THEMIS: variants seen among roughly 807,000 people sequenced by gnomAD.
THEMIS encodes the protein thymocyte selection associated, also known as protein THEMIS.
Under a neutral mutation model 52.6 loss-of-function variants are expected in THEMIS, and 37 were observed. The observed-to-expected ratio is 0.70, with a 90% CI of 0.54 to 0.93. THEMIS has a LOEUF of 0.93. Ranked by LOEUF, THEMIS falls within the 40% of genes least tolerant of loss-of-function variation. The pLI is 0.00. For synonymous variants in THEMIS, 292 were observed against 272.7 expected (o/e 1.07, Z -0.70); for missense variants, 808 against 763.1 (o/e 1.06, Z -0.69).
chr6:127,840,535 T>C (rs1010417359), intron 2 of THEMIS, among the ~76,000 whole-genome samples: 1 of 152,098 alleles, frequency 6.6e-6, no homozygotes, highest in Non-Finnish European at 1.5e-5. Context: ...TCCTGAATTT[T>C]CTCCCATTTT....
intron 1 of THEMIS, among the ~76,000 whole-genome samples, chr6:127,878,959 A>C (rs370436961): frequency 1.3e-5 from 2 of 152,212 alleles, no homozygotes; most frequent in South Asian, 4.1e-4. Flanking sequence ...TATTGTTTCT[A>C]GTAAGAAGAG....
chr6:127,890,362 A>G (rs1362955053), intron 1 of THEMIS, among the ~76,000 whole-genome samples: 1 of 152,158 alleles, frequency 6.6e-6, no homozygotes, highest in Admixed American at 6.5e-5. Flanking sequence ...ATTCTCATTC[A>G]TATGTGGTAG....
At chr6:127,749,585 GT>G (rs1341315753) in intron 4 of THEMIS, among the ~76,000 whole-genome samples, 3 of 151,844 alleles carry the variant, frequency 2.0e-5, no homozygotes, top group Non-Finnish European at 2.9e-5. Flanking sequence ...AAACTTACAG[GT>G]AAGTCTGAAA....
chr6:127,895,851 C>T (rs1235145490), intron 1 of THEMIS, among the ~76,000 whole-genome samples: 1 of 151,012 alleles, frequency 6.6e-6, no homozygotes, highest in African/African-American at 2.4e-5. Flanking sequence ...AGACTCCAAC[C>T]AAGAAGTTCC....
In THEMIS at chr6:127,859,649, G is replaced by A. The variant is rs373693601; in HGVS notation, c.92-4461C>T. On this transcript the variant is annotated intron_variant, in intron 1 of 5. Coordinates refer to ENST00000368248, the MANE Select transcript of THEMIS (RefSeq NM_001010923.3). ...TTTTGCATGGGTTATATCTTTATTT[G>A]GTATGTTTGATATCAAATATACAAG... Among the ~76,000 whole-genome samples, 3 of 152,088 alleles carry A rather than the reference G, an allele frequency of 2.0e-5. No homozygotes were observed. In the East Asian group the frequency reaches 5.8e-4, roughly 29 times the overall value.
At position 127,834,417 on chromosome 6, in the gene THEMIS, C is replaced by CA. The variant is rs34484234; in HGVS notation, c.251-4484dup. 9.9e-3 allele frequency among the ~76,000 whole-genome samples: 986 copies of CA among 99,398 alleles called. 7 individuals carry two copies. Among genetic ancestry groups the CA allele is most frequent in the Non-Finnish European group, 0.015 (753 of 49,526 alleles). 65.2% of individuals were successfully genotyped at this position (99,398 alleles called of 152,430 possible). A position where few individuals can be genotyped will look rare whatever the true frequency, so the allele number is the denominator to read the frequency against. ...TGAAACCCCGTCTCCACTAAAAATA[C>CA]AAAAAAAAAAAAAAAAAAAAGCTGG... On this transcript the variant is annotated intron_variant, in intron 2 of 5. Transcript: ENST00000368248.
chr6:127,717,600 G>T (rs980877011), intron 5 of THEMIS, among the ~76,000 whole-genome samples: 1 of 151,770 alleles, frequency 6.6e-6, no homozygotes, highest in Non-Finnish European at 1.5e-5. Flanking sequence ...AGGTTTTACC[G>T]TACTCTTGGC....
At chr6:127,728,849 T>A (rs555310909) in intron 4 of THEMIS, among the ~76,000 whole-genome samples, 1 of 152,144 alleles carries the variant, frequency 6.6e-6, no homozygotes, top group East Asian at 1.9e-4. Flanking sequence ...GGCAAGAAGG[T>A]TGCAATTTTA....
chr6:127,828,876 T>C (rs1778597661), intron 3 of THEMIS, among the ~76,000 whole-genome samples: 1 of 152,024 alleles, frequency 6.6e-6, no homozygotes, highest in African/African-American at 2.4e-5. Flanking sequence ...ATCACTGCAC[T>C]CCAGCCTGGC....
chr6:127,896,307 C>A (rs1780965644), intron 1 of THEMIS, among the ~76,000 whole-genome samples: 1 of 149,858 alleles, frequency 6.7e-6, no homozygotes, highest in Non-Finnish European at 1.5e-5. Flanking sequence ...CAAATGTACA[C>A]ATAACATATA....
chr6:127,808,307 C>T (rs531408272), intron 4 of THEMIS, among the ~76,000 whole-genome samples: 8 of 152,110 alleles, frequency 5.3e-5, no homozygotes, highest in African/African-American at 1.7e-4. Flanking sequence ...TATATATCCA[C>T]GACAGGCAAA....
At chr6:127,867,697 G>C (rs1780026150) in intron 1 of THEMIS, among the ~76,000 whole-genome samples, 1 of 152,090 alleles carries the variant, frequency 6.6e-6, no homozygotes, top group African/African-American at 2.4e-5. Context: ...AACAGATATA[G>C]TTAGCGAACA....
chr6:127,737,900 T>G, intron 4 of THEMIS, among the ~76,000 whole-genome samples: 1 of 152,210 alleles, frequency 6.6e-6, no homozygotes, highest in East Asian at 1.9e-4. Context: ...TAATCTTAGA[T>G]ACTGTTTATA....
chr6:127,878,471 A>G (rs572927534), intron 1 of THEMIS, among the ~76,000 whole-genome samples: 3 of 152,272 alleles, frequency 2.0e-5, no homozygotes, highest in Admixed American at 6.5e-5. Flanking sequence ...TGCTTTTTAC[A>G]TTTGGCAAAA....
At chr6:127,802,539 C>T (rs1457391446) in intron 4 of THEMIS, among the ~76,000 whole-genome samples, 1 of 139,472 alleles carries the variant, frequency 7.2e-6, no homozygotes, top group Non-Finnish European at 1.6e-5. Flanking sequence ...GCTAATTAAT[C>T]ACAGTGTTCC....
At chr6:127,719,848 A>C in intron 4 of THEMIS, 25 bp from the exon 5 acceptor site, 1 of 1,607,826 alleles carries the variant, frequency 6.2e-7, no homozygotes, top group Non-Finnish European at 8.5e-7. Flanking sequence ...GTCACAAGTA[A>C]ATTATCAGTC....
Position 127,719,822 on chromosome 6 carries a change from C to T in THEMIS, c.1760G>A (p.Arg587His), listed in dbSNP as rs746600803. ...TTTCTTGGTTATGTCTACGTGATGA[C>T]GCTGAAATGACACAGGTCACAAGTA... ...RTVDLPKSPK[R>H]HHVDITKKLH... The change falls in exon 5 of 6, where the codon CGT (arginine) becomes CAT (histidine). Residue 587 changes from arginine (R) to histidine (H), a missense_variant and splice_region_variant. Transcript: ENST00000368248. 4.8e-5 allele frequency: 77 copies of T among 1,611,004 alleles called. No homozygotes were observed. In the Middle Eastern group the frequency reaches 5.0e-4, roughly 10 times the overall value.
intron 4 of THEMIS, among the ~76,000 whole-genome samples, chr6:127,795,273 C>T (rs1037953356): frequency 1.3e-5 from 2 of 152,132 alleles, no homozygotes; most frequent in African/African-American, 4.8e-5. Flanking sequence ...TTCAAATTCT[C>T]CCAAATTAAT....
At chr6:127,772,171 A>G (rs1366271745) in intron 4 of THEMIS, among the ~76,000 whole-genome samples, 6 of 152,118 alleles carry the variant, frequency 3.9e-5, no homozygotes, top group Non-Finnish European at 8.8e-5. Context: ...TAGTGCAACA[A>G]TGATTATTCT....
Sources: allele counts gnomAD v4.1 joint callset (sites outside exome capture counted in the v4.1 genomes callset), GRCh38; gene constraint gnomAD v4.1.1; transcripts MANE v1.5; gene names NCBI Gene and HGNC (gene_info 2026-07-23, HGNC 2026-07-21).